ATP8A2: variants seen among roughly 807,000 people sequenced by gnomAD.
ATP8A2 encodes the protein phospholipid-transporting ATPase IB.
ATP8A2 carries 100 observed loss-of-function variants against 165.6 expected under a neutral mutation model. The observed-to-expected ratio is 0.60, with a 90% CI of 0.51 to 0.71. ATP8A2 has a LOEUF of 0.71. Among genes scored for constraint, ATP8A2 ranks in the 30% least tolerant of loss-of-function variants. The pLI, the probability that ATP8A2 is intolerant of heterozygous loss-of-function variation, is 0.00. For missense variants in ATP8A2, 1,227 were observed against 1,479.5 expected (o/e 0.83, Z 2.80); for synonymous variants, 543 against 548.8 (o/e 0.99, Z 0.15).
intron 24 of ATP8A2, among the ~76,000 whole-genome samples, chr13:25,620,610 G>T (rs1432013656): frequency 6.6e-6 from 1 of 152,074 alleles, no homozygotes; most frequent in African/African-American, 2.4e-5. Context: ...TAAAAATATT[G>T]ACTTGAAATA....
intron 2 of ATP8A2, among the ~76,000 whole-genome samples, chr13:25,492,642 T>G (rs9551208): frequency 0.31 from 47,259 of 152,072 alleles, 8,879 homozygotes; most frequent in East Asian, 0.88. Context: ...CTGCGTCTTA[T>G]AAGCCCTCAG....
intron 1 of ATP8A2, among the ~76,000 whole-genome samples, chr13:25,463,185 G>A (rs570573705): frequency 3.3e-4 from 45 of 138,402 alleles, no homozygotes; most frequent in African/African-American, 1.2e-3. Flanking sequence ...ACCTAGACAT[G>A]TCTCAAGCAC....
intron 25 of ATP8A2, among the ~76,000 whole-genome samples, chr13:25,702,806 C>G (rs1232828017): frequency 6.6e-6 from 1 of 152,170 alleles, no homozygotes; most frequent in African/African-American, 2.4e-5. Context: ...CTTTCAGCAT[C>G]TGGTGTTGAG....
chr13:25,667,006 A>G (rs1201324064), intron 24 of ATP8A2, among the ~76,000 whole-genome samples: 3 of 152,258 alleles, frequency 2.0e-5, no homozygotes, highest in South Asian at 2.1e-4. Context: ...TAAAAATTAC[A>G]TAACATAAAA....
chr13:25,597,810 C>T (rs1202833520), intron 24 of ATP8A2, among the ~76,000 whole-genome samples: 1 of 151,484 alleles, frequency 6.6e-6, no homozygotes, highest in Non-Finnish European at 1.5e-5. Flanking sequence ...TGTTTCATAA[C>T]TATAGAAAAG....
At chr13:25,429,264 G>A (rs537658747) in intron 1 of ATP8A2, among the ~76,000 whole-genome samples, 1 of 151,780 alleles carries the variant, frequency 6.6e-6, no homozygotes, top group Admixed American at 6.6e-5. Flanking sequence ...TAGCAACTCG[G>A]GAGGCTGAGG....
At chr13:25,378,559 TG>T (rs1372967681) in intron 1 of ATP8A2, among the ~76,000 whole-genome samples, 5 of 152,346 alleles carry the variant, frequency 3.3e-5, no homozygotes, top group African/African-American at 9.6e-5. Flanking sequence ...TTGTTATTTT[TG>T]GCTTTCACTG....
At chr13:25,793,874 TC>T (rs1950440453) in intron 27 of ATP8A2, among the ~76,000 whole-genome samples, 1 of 152,140 alleles carries the variant, frequency 6.6e-6, no homozygotes, top group Non-Finnish European at 1.5e-5. Flanking sequence ...TAAAAACAAT[TC>T]CCCACCCCAG....
chr13:25,439,658 C>T (rs2034877005), intron 1 of ATP8A2, among the ~76,000 whole-genome samples: 1 of 152,154 alleles, frequency 6.6e-6, no homozygotes, highest in Non-Finnish European at 1.5e-5. Context: ...TGCCTGTAAT[C>T]CCAGTGCTCT....
chr13:25,543,647 A>G (rs1461354605), intron 10 of ATP8A2, among the ~76,000 whole-genome samples: 3 of 152,190 alleles, frequency 2.0e-5, no homozygotes, highest in South Asian at 4.1e-4. Context: ...GGAACAATCA[A>G]TTCTAACTTA....
At chr13:25,756,353 G>T (rs2044262039) in intron 25 of ATP8A2, among the ~76,000 whole-genome samples, 2 of 150,224 alleles carry the variant, frequency 1.3e-5, no homozygotes, top group Non-Finnish European at 3.0e-5. Context: ...TTGAGACAGG[G>T]TCTTGCTCTT....
intron 27 of ATP8A2, among the ~76,000 whole-genome samples, chr13:25,808,127 C>T (rs1950782182): frequency 6.7e-6 from 1 of 148,172 alleles, no homozygotes; most frequent in African/African-American, 2.5e-5. Flanking sequence ...TTTTTGCTCC[C>T]CAAGACTTTT....
intron 1 of ATP8A2, among the ~76,000 whole-genome samples, chr13:25,374,964 A>G (rs529396175): frequency 6.6e-6 from 1 of 152,208 alleles, no homozygotes; most frequent in African/African-American, 2.4e-5. Flanking sequence ...TACTATTTTT[A>G]AAAATAATTC....
At chr13:25,896,174 C>G (rs1174257655) in intron 33 of ATP8A2, among the ~76,000 whole-genome samples, 1 of 152,162 alleles carries the variant, frequency 6.6e-6, no homozygotes, top group Admixed American at 6.5e-5. Flanking sequence ...GCATTTAGTG[C>G]TATAAATTTC....
intron 25 of ATP8A2, among the ~76,000 whole-genome samples, chr13:25,749,932 T>C (rs1489886668): frequency 2.0e-5 from 3 of 152,040 alleles, no homozygotes; most frequent in African/African-American, 7.2e-5. Context: ...GAGGCTGAGA[T>C]GGGGGATTGC....
chr13:25,412,757 C>T (rs957186881), intron 1 of ATP8A2, among the ~76,000 whole-genome samples: 20 of 152,308 alleles, frequency 1.3e-4, no homozygotes, highest in Admixed American at 7.2e-4. Context: ...CCAGCCTGTT[C>T]CTTCTCTGAC....
intron 35 of ATP8A2, among the ~76,000 whole-genome samples, chr13:26,002,509 A>G (rs753883801): frequency 6.6e-6 from 1 of 151,926 alleles, no homozygotes; most frequent in African/African-American, 2.4e-5. Context: ...GCACATGTAT[A>G]CATATGTAAC....
At chr13:25,420,002 C>T (rs1396244978) in intron 1 of ATP8A2, among the ~76,000 whole-genome samples, 3 of 152,142 alleles carry the variant, frequency 2.0e-5, no homozygotes, top group Non-Finnish European at 4.4e-5. Flanking sequence ...ACGATACATA[C>T]TTCAAGGAAA....
chr13:25,499,836 A>G (rs940445038), intron 2 of ATP8A2, among the ~76,000 whole-genome samples: 2 of 152,202 alleles, frequency 1.3e-5, no homozygotes, highest in African/African-American at 4.8e-5. Flanking sequence ...GACATAAGGA[A>G]AAGTTGGGAT....
Sources: gnomAD v4.1 joint callset for allele counts (sites outside exome capture counted in the v4.1 genomes callset) on GRCh38, gnomAD v4.1.1 for gene constraint, MANE v1.5 for transcripts, NCBI Gene and HGNC (gene_info 2026-07-23, HGNC 2026-07-21) for gene names.